The following CD44 variants were observed in gnomAD, a reference collection of about 807,000 sequenced individuals.
CD44 encodes CD44 molecule (IN blood group).
A neutral mutation model predicts 88.8 loss-of-function variants in CD44; 49 were observed. That is an observed-to-expected ratio of 0.55 (90% confidence interval 0.44 to 0.70). CD44 has a LOEUF of 0.70. Among genes scored for constraint, CD44 ranks in the 30% least tolerant of loss-of-function variants. CD44 has a pLI of 0.00. For synonymous variants in CD44, 325 were observed against 312.3 expected, an observed-to-expected ratio of 1.04 and a Z score of -0.43; for missense variants, 883 against 913.8, an observed-to-expected ratio of 0.97 and a Z score of 0.43.
At chr11:35,199,091 T>C (rs900632839) in intron 7 of CD44, among the ~76,000 whole-genome samples, 1 of 151,852 alleles carries the variant, frequency 6.6e-6, no homozygotes, top group Non-Finnish European at 1.5e-5. Flanking sequence ...AAGGAACAAA[T>C]CCAGAGTTTT....
intron 7 of CD44, 117 bp downstream of exon 7, chr11:35,198,363 A>C (rs1946964448): frequency 4.7e-6 from 4 of 856,568 alleles, no homozygotes; most frequent in Non-Finnish European, 7.2e-6. Flanking sequence ...TGAACCTATG[A>C]TCATACCTTA....
rs1591249847 is a variant in CD44 at position 35,204,647 on chromosome 11, G to C, written c.1282+7G>C. ...TCGACAACAGGGACAGCTGGTAATG[G>C]ATGGTTTAACAAGTAAATTTGGATG... On this transcript the variant is annotated splice_region_variant and intron_variant, in intron 10 of 17. Coordinates refer to ENST00000428726, the MANE Select transcript of CD44 (RefSeq NM_000610.4). 5 of 1,612,392 alleles carry C rather than the reference G, an allele frequency of 3.1e-6. No individual in the cohort carries two copies. In the East Asian group the frequency reaches 1.1e-4, roughly 36 times the overall value.
At chr11:35,202,699 A>G (rs539012847) in intron 9 of CD44, among the ~76,000 whole-genome samples, 1 of 152,300 alleles carries the variant, frequency 6.6e-6, no homozygotes, top group South Asian at 2.1e-4. Context: ...AACAAAAGAA[A>G]AGTTTCAGGT....
intron 1 of CD44, among the ~76,000 whole-genome samples, chr11:35,165,947 G>A (rs1943216686): frequency 6.6e-6 from 1 of 152,040 alleles, no homozygotes; most frequent in South Asian, 2.1e-4. Context: ...TCAAACTAAA[G>A]CTAAGCAGTT....
At chr11:35,183,533 A>T (rs1945359997) in intron 3 of CD44, among the ~76,000 whole-genome samples, 1 of 152,212 alleles carries the variant, frequency 6.6e-6, no homozygotes, top group African/African-American at 2.4e-5. Flanking sequence ...GCAGGTGGTC[A>T]TGTCCCAGTG....
chr11:35,150,743 A>G (rs1277922016), intron 1 of CD44, among the ~76,000 whole-genome samples: 1 of 152,218 alleles, frequency 6.6e-6, no homozygotes, highest in Non-Finnish European at 1.5e-5. Flanking sequence ...TCATACAGAC[A>G]CAGTATTCTA....
intron 1 of CD44, among the ~76,000 whole-genome samples, chr11:35,154,797 T>G (rs756167894): frequency 2.6e-5 from 4 of 152,200 alleles, no homozygotes; most frequent in Non-Finnish European, 4.4e-5. Flanking sequence ...TCCCTATCTG[T>G]ACATACCAGC....
At chr11:35,182,106 C>A (rs1047015868) in intron 3 of CD44, among the ~76,000 whole-genome samples, 1 of 141,092 alleles carries the variant, frequency 7.1e-6, no homozygotes, top group Non-Finnish European at 1.5e-5. Context: ...TATACATATA[C>A]CATATATATG....
intron 1 of CD44, among the ~76,000 whole-genome samples, chr11:35,145,461 C>T: frequency 6.6e-6 from 1 of 152,086 alleles, no homozygotes; most frequent in South Asian, 2.1e-4. Flanking sequence ...TTTGGTCTAC[C>T]CCAAACAGTG....
chr11:35,195,659 C>T (rs1946670056), intron 5 of CD44, among the ~76,000 whole-genome samples: 1 of 151,842 alleles, frequency 6.6e-6, no homozygotes, highest in African/African-American at 2.4e-5. Context: ...TTTTTGTCTA[C>T]TGTTAGCTCA....
At chr11:35,174,394 G>C (rs11033013) in intron 1 of CD44, among the ~76,000 whole-genome samples, 39,881 of 152,100 alleles carry the variant, frequency 0.26, 5,415 homozygotes, top group Middle Eastern at 0.31. Flanking sequence ...TGTCCCAAGA[G>C]GATGTCAACA....
chr11:35,198,298 T>C (rs1301941307), intron 7 of CD44, 52 bp downstream of exon 7: 1 of 1,556,624 alleles, frequency 6.4e-7, no homozygotes, highest in African/African-American at 1.4e-5. Context: ...TATTGATTAA[T>C]CTGAGTGATA....
chr11:35,216,348 C>T (rs1036288799), intron 15 of CD44, among the ~76,000 whole-genome samples: 1 of 152,118 alleles, frequency 6.6e-6, no homozygotes, highest in Admixed American at 6.5e-5. Flanking sequence ...CAGGTGACCC[C>T]ATGTAAATGA....
intron 1 of CD44, among the ~76,000 whole-genome samples, chr11:35,142,419 T>A (rs1488656836): frequency 6.6e-6 from 1 of 151,974 alleles, no homozygotes; most frequent in Non-Finnish European, 1.5e-5. Flanking sequence ...CCAACAATGA[T>A]AGACTGGGTG....
intron 1 of CD44, among the ~76,000 whole-genome samples, chr11:35,170,653 G>A (rs931187373): frequency 3.3e-5 from 5 of 152,190 alleles, no homozygotes; most frequent in African/African-American, 7.2e-5. Context: ...AGGGCTCAAC[G>A]GAAAACATTC....
chr11:35,161,124 T>G (rs1400723165), intron 1 of CD44, among the ~76,000 whole-genome samples: 1 of 152,250 alleles, frequency 6.6e-6, no homozygotes, highest in East Asian at 1.9e-4. Flanking sequence ...CACTTTACTT[T>G]TAAGCTGCCT....
intron 13 of CD44, 159 bp downstream of exon 13, chr11:35,210,213 G>T: frequency 2.0e-6 from 1 of 495,838 alleles, no homozygotes. Flanking sequence ...TGATTTTTCT[G>T]TTTTATATAC....
chr11:35,150,246 G>C (rs1465603431), intron 1 of CD44, among the ~76,000 whole-genome samples: 2 of 152,176 alleles, frequency 1.3e-5, no homozygotes, highest in Admixed American at 1.3e-4. Context: ...CTTACAGGGT[G>C]AGTGCTAGTA....
chr11:35,190,206 G>T, intron 5 of CD44, 141 bp downstream of exon 5: 1 of 705,454 alleles, frequency 1.4e-6, no homozygotes, highest in Non-Finnish European at 2.4e-6. Context: ...AGGGAGGTGG[G>T]CTCTTGTGGT....
Sources: allele counts gnomAD v4.1 joint callset (sites outside exome capture counted in the v4.1 genomes callset), GRCh38; gene constraint gnomAD v4.1.1; transcripts MANE v1.5; gene names NCBI Gene and HGNC (gene_info 2026-07-23, HGNC 2026-07-21).